The following OR5B2 variants were observed in gnomAD, a reference collection of about 807,000 sequenced individuals.
OR5B2 encodes olfactory receptor 5B2.
For missense variants in OR5B2, 411 were observed against 367.0 expected (o/e 1.12, Z -0.98); for synonymous variants, 163 against 140.8 (o/e 1.16, Z -1.11).
chr11:58,425,466 A>G (rs1216269361), intron 2 of OR5B2, among the ~76,000 whole-genome samples: 1 of 152,106 alleles, frequency 6.6e-6, no homozygotes, highest in Non-Finnish European at 1.5e-5. Context: ...AAATGTATAT[A>G]TGGAACATAG....
intron 2 of OR5B2, among the ~76,000 whole-genome samples, chr11:58,426,041 CTTAT>C (rs1590712984): frequency 6.6e-6 from 1 of 152,082 alleles, no homozygotes; most frequent in Admixed American, 6.6e-5. Flanking sequence ...CATTTGCTGA[CTTAT>C]TTATTTATTC....
chr11:58,426,129 T>TC (rs2119944118), intron 2 of OR5B2, among the ~76,000 whole-genome samples: 1 of 152,194 alleles, frequency 6.6e-6, no homozygotes, highest in Admixed American at 6.6e-5. Context: ...TAAATGTTCT[T>TC]CTAAGCACAT....
At chr11:58,425,773 T>TA (rs1366682113) in intron 2 of OR5B2, among the ~76,000 whole-genome samples, 1 of 152,090 alleles carries the variant, frequency 6.6e-6, no homozygotes, top group Admixed American at 6.6e-5. Flanking sequence ...TCATTTAGCA[T>TA]AAAAAAATAG....
At chr11:58,426,839 A>AG (rs1237612197) in intron 1 of OR5B2, among the ~76,000 whole-genome samples, 163 bp from the exon 2 acceptor site, 1 of 152,150 alleles carries the variant, frequency 6.6e-6, no homozygotes, top group Non-Finnish European at 1.5e-5. Flanking sequence ...TGCTGCTGTG[A>AG]GGAAAAATAG....
intron 2 of OR5B2, among the ~76,000 whole-genome samples, chr11:58,424,436 G>T (rs898949967): frequency 2.0e-5 from 3 of 151,912 alleles, no homozygotes; most frequent in African/African-American, 7.3e-5. Flanking sequence ...ATGATAGACT[G>T]TTCCAGAATT....
At chr11:58,425,822 T>C (rs1855330151) in intron 2 of OR5B2, among the ~76,000 whole-genome samples, 1 of 151,846 alleles carries the variant, frequency 6.6e-6, no homozygotes, top group Admixed American at 6.6e-5. Flanking sequence ...TAGGGTTCCA[T>C]GTAAGTTTTG....
chr11:58,427,763 C>T (rs927267699), intron 1 of OR5B2, among the ~76,000 whole-genome samples: 2 of 152,098 alleles, frequency 1.3e-5, no homozygotes, highest in Non-Finnish European at 2.9e-5. Flanking sequence ...CACATACCCA[C>T]CAGGAAGCCA....
rs755567620 is a variant in OR5B2, at chr11:58,423,118, C to T, written c.144G>A (p.Leu48=). The change falls in exon 3 of 3, where the codon CTG becomes CTA. Residue 48 remains leucine (L), a synonymous_variant. Transcript: ENST00000641342. ...TGGGGGTGTGGAGACAAGAGTCCATCAGGATCAGCAACATCATCCCCAGGT... is the reference window on the plus strand; with the variant it reads ...TGGGGGTGTGGAGACAAGAGTCCATTAGGATCAGCAACATCATCCCCAGGT... ...CGNLGMMLLI[L]MDSCLHTPMY... is the part of the protein sequence containing the mutation. The T allele has an allele frequency of 6.2e-7, 1 of 1,613,700 alleles. No homozygotes were observed. Among genetic ancestry groups the T allele is most frequent in the Non-Finnish European group, 8.5e-7 (1 of 1,179,804 alleles).
rs1590711530 is a variant in OR5B2 at position 58,422,554 on chromosome 11, C to T, written c.708G>A (p.Leu236=). 1 of 1,613,606 alleles carries T rather than the reference C, an allele frequency of 6.2e-7. No individual in the cohort carries two copies. Among genetic ancestry groups the T allele is most frequent in the African/African-American group, 1.3e-5 (1 of 74,880 alleles). Residue 236 remains leucine (L), a synonymous_variant, in exon 3 of 3, where the codon TTG becomes TTA. Coordinates refer to ENST00000641342, the MANE Select transcript of OR5B2 (RefSeq NM_001005566.3). ...CAGTGAAGTGAGAGGCACAGGTGGA[C>T]AATGCTTTTTGGTGTCCCTTAGCTG... ...MHSAKGHQKA[L]STCASHFTAV... is the part of the protein sequence containing the mutation.
At chr11:58,425,754 T>C (rs1219521690) in intron 2 of OR5B2, among the ~76,000 whole-genome samples, 1 of 152,136 alleles carries the variant, frequency 6.6e-6, no homozygotes, top group African/African-American at 2.4e-5. Flanking sequence ...GTATTTTGCA[T>C]ACATTAGCTC....
chr11:58,427,291 C>T (rs779342557), intron 1 of OR5B2, among the ~76,000 whole-genome samples: 2 of 152,104 alleles, frequency 1.3e-5, no homozygotes, highest in Non-Finnish European at 2.9e-5. Context: ...TTACTTTACT[C>T]AGGGTTATTT....
intron 1 of OR5B2, among the ~76,000 whole-genome samples, chr11:58,426,956 G>T (rs1342224688): frequency 6.6e-6 from 1 of 152,086 alleles, no homozygotes; most frequent in Non-Finnish European, 1.5e-5. Flanking sequence ...GGCCATTGTT[G>T]CAGACTCAGA....
At chr11:58,425,040 T>C (rs996952875) in intron 2 of OR5B2, among the ~76,000 whole-genome samples, 2 of 152,132 alleles carry the variant, frequency 1.3e-5, no homozygotes, top group African/African-American at 4.8e-5. Flanking sequence ...TTTGTGCTTT[T>C]AGCTACTTCA....
Position 58,422,413 on chromosome 11 carries a change from C to T in OR5B2, c.849G>A (p.Leu283=). 1 of 1,613,660 alleles carries T rather than the reference C, an allele frequency of 6.2e-7. No homozygotes were observed. The highest frequency in any genetic ancestry group is 8.5e-7 in the Non-Finnish European group (1 of 1,179,760). ...TCCTCAGGCTGTAGACCACAGGGTT[C>T]AGCATGGGGATGATCATAGCATAGA... The part of the protein sequence containing the change: ...SVFYAMIIPM[L]NPVVYSLRNR... Residue 283 remains leucine, a synonymous_variant, in exon 3 of 3, where the codon CTG becomes CTA. Transcript: ENST00000641342.
chr11:58,423,410 T>G lies in OR5B2; in HGVS notation c.-28-121A>C. 3 of 521,198 alleles carry G rather than the reference T, an allele frequency of 5.8e-6. No homozygotes were observed. In the East Asian group the frequency reaches 8.9e-5, roughly 15 times the overall value. The allele number at this position is 521,198 out of a possible 1,614,324, so 32.3% of individuals were successfully genotyped here. A position where few individuals can be genotyped will look rare whatever the true frequency, so the allele number is the denominator to read the frequency against. ...TTTGTACTTCAAAATTCTATAGATC[T>G]AAAGCATAGGCTTGGTAACAATCTT... On this transcript the variant is annotated intron_variant, in intron 2 of 2. Coordinates refer to ENST00000641342, the MANE Select transcript of OR5B2 (RefSeq NM_001005566.3).
At position 58,426,644 on chromosome 11, in the gene OR5B2, A is replaced by C. The variant is rs995576673; in HGVS notation, c.-51T>G. On this transcript the variant is annotated 5_prime_UTR_variant, in exon 2 of 3. Coordinates refer to ENST00000641342, the MANE Select transcript of OR5B2 (RefSeq NM_001005566.3). ...TACCTTGCTCTTCAAGGAAGATGAC[A>C]CACTTTCAGTTGGTATCTTCAAATT... is the stretch of plus-strand genomic sequence containing the variant. The C allele has an allele frequency of 4.6e-5, 7 of 152,172 alleles. No homozygotes were observed. Among genetic ancestry groups the C allele is most frequent in the African/African-American group, 1.7e-4 (7 of 41,458 alleles). 9.4% of individuals were successfully genotyped at this position (152,172 alleles called of 1,614,324 possible).
chr11:58,422,418 T>C lies in OR5B2; in HGVS notation c.844A>G (p.Met282Val), dbSNP rs761646829. Residue 282 changes from methionine (M) to valine (V), a missense_variant, in exon 3 of 3, where the codon ATG becomes GTG. Transcript: ENST00000641342. Reference sequence around the variant, plus strand: ...AGGCTGTAGACCACAGGGTTCAGCATGGGGATGATCATAGCATAGAACACA... The same window carrying C: ...AGGCTGTAGACCACAGGGTTCAGCACGGGGATGATCATAGCATAGAACACA... Reference protein sequence around the residue: ...ASVFYAMIIPMLNPVVYSLRN... With the variant: ...ASVFYAMIIPVLNPVVYSLRN... The C allele has an allele frequency of 8.7e-6, 14 of 1,613,516 alleles. No homozygotes were observed. The highest frequency in any genetic ancestry group is 1.2e-5 in the Non-Finnish European group (14 of 1,179,754).
intron 2 of OR5B2, among the ~76,000 whole-genome samples, chr11:58,425,142 T>C (rs1012399254): frequency 7.2e-5 from 11 of 152,104 alleles, no homozygotes; most frequent in African/African-American, 2.7e-4. Context: ...ACTTAGATCC[T>C]TTTGTAGTTT....
Position 58,423,125 on chromosome 11 carries a change from A to G in OR5B2, c.137T>C (p.Leu46Pro), listed in dbSNP as rs143455032. The G allele has an allele frequency of 1.9e-6, 3 of 1,613,788 alleles. No individual in the cohort carries two copies. The highest frequency in any genetic ancestry group is 2.5e-6 in the Non-Finnish European group (3 of 1,179,812). ...TLCGNLGMMLLILMDSCLHTP... is the reference protein window; with the variant it reads ...TLCGNLGMMLPILMDSCLHTP... Reference sequence around the variant, plus strand: ...GTGGAGACAAGAGTCCATCAGGATCAGCAACATCATCCCCAGGTTCCCACA... The same window carrying G: ...GTGGAGACAAGAGTCCATCAGGATCGGCAACATCATCCCCAGGTTCCCACA... Residue 46 changes from leucine to proline, a missense_variant, in exon 3 of 3, where the codon CTG becomes CCG. By Grantham distance (98) the Leu-to-Pro change is moderately conservative (BLOSUM62 -3). Coordinates refer to ENST00000641342, the MANE Select transcript of OR5B2 (RefSeq NM_001005566.3).
Sources: gnomAD v4.1 joint callset for allele counts (sites outside exome capture counted in the v4.1 genomes callset) on GRCh38, gnomAD v4.1.1 for gene constraint, MANE v1.5 for transcripts, NCBI Gene and HGNC (gene_info 2026-07-23, HGNC 2026-07-21) for gene names.